The following GPR158 variants were observed in gnomAD, a reference collection of about 807,000 sequenced individuals.
GPR158 encodes metabotropic glycine receptor.
In GPR158, 30 loss-of-function variants were observed where a neutral mutation model predicts 78.2. That is an observed-to-expected ratio of 0.38 (90% confidence interval 0.29 to 0.52). The LOEUF (loss-of-function observed/expected upper bound fraction) is 0.52, where lower values mean the gene tolerates loss of function less well. Among genes scored for constraint, GPR158 ranks in the 20% least tolerant of loss-of-function variants. GPR158 has a pLI of 0.83. For missense variants in GPR158, 1,463 were observed against 1,523.5 expected (o/e 0.96, Z 0.66); for synonymous variants, 581 against 591.1 (o/e 0.98, Z 0.25).
Position 25,214,031 on chromosome 10 carries a change from A to G in GPR158, c.903-7021A>G, listed in dbSNP as rs537991555. Among the ~76,000 whole-genome samples, 7 of 152,090 alleles carry G rather than the reference A, an allele frequency of 4.6e-5. No homozygotes were observed. The East Asian group carries it at 1.2e-3, about 25-fold the overall frequency. On this transcript the variant is annotated intron_variant, in intron 1 of 10. Transcript: ENST00000376351. ...TTCTTTTGAGATGGAGTCTCGCTCT[A>G]TCGCCCAGGCTGGAGTGCAGTGGTG... is the stretch of plus-strand genomic sequence containing the variant.
intron 2 of GPR158, among the ~76,000 whole-genome samples, chr10:25,371,426 G>A (rs1312103534): frequency 6.6e-6 from 1 of 151,620 alleles, no homozygotes; most frequent in Non-Finnish European, 1.5e-5. Flanking sequence ...GAACAAAGCT[G>A]GAGGCATCAT....
At chr10:25,488,351 A>G (rs1249752868) in intron 5 of GPR158, among the ~76,000 whole-genome samples, 1 of 152,216 alleles carries the variant, frequency 6.6e-6, no homozygotes, top group Non-Finnish European at 1.5e-5. Flanking sequence ...CCTGTGCCCA[A>G]CTGAAAAACT....
At chr10:25,260,320 C>T (rs1341167598) in intron 2 of GPR158, among the ~76,000 whole-genome samples, 1 of 152,036 alleles carries the variant, frequency 6.6e-6, no homozygotes, top group Non-Finnish European at 1.5e-5. Context: ...TATTATGAGG[C>T]CATGTTTCTT....
Position 25,597,898 on chromosome 10 carries a change from A to G in GPR158, c.2272A>G (p.Ile758Val). ...KGLGRSIMRRITEIPETVSRQ... is the reference protein window; with the variant it reads ...KGLGRSIMRRVTEIPETVSRQ... ...CCTAGGTCGTTCCATCATGAGACGC[A>G]TTACGGAGATCCCAGAGACAGTCAG... Residue 758 changes from isoleucine to valine, a missense_variant, in exon 11 of 11, where the codon ATT (isoleucine) becomes GTT (valine). Transcript: ENST00000376351. 2 of 1,610,210 alleles carry G rather than the reference A, an allele frequency of 1.2e-6. No individual in the cohort carries two copies. The highest frequency in any genetic ancestry group is 1.7e-6 in the Non-Finnish European group (2 of 1,178,328).
chr10:25,303,610 G>A (rs1011043753), intron 2 of GPR158, among the ~76,000 whole-genome samples: 1 of 152,196 alleles, frequency 6.6e-6, no homozygotes, highest in East Asian at 1.9e-4. Flanking sequence ...TATGAACATT[G>A]TCTTTCTTGG....
At chr10:25,332,116 G>T (rs518751) in intron 2 of GPR158, among the ~76,000 whole-genome samples, 2 of 146,582 alleles carry the variant, frequency 1.4e-5, no homozygotes, top group African/African-American at 5.5e-5. Context: ...AAATCACCTG[G>T]GGGGGGGCGA....
chr10:25,594,239 T>G, intron 8 of GPR158, 53 bp from the exon 9 acceptor site: 1 of 908,148 alleles, frequency 1.1e-6, no homozygotes, highest in South Asian at 1.3e-5. Flanking sequence ...AATCCTAGTG[T>G]TCTAAGTAGA....
At chr10:25,335,721 A>G (rs1412099534) in intron 2 of GPR158, among the ~76,000 whole-genome samples, 1 of 152,044 alleles carries the variant, frequency 6.6e-6, no homozygotes, top group East Asian at 1.9e-4. Context: ...CAAATAAAGT[A>G]CCTTAGTTGT....
intron 5 of GPR158, among the ~76,000 whole-genome samples, chr10:25,534,309 T>A (rs1836462421): frequency 6.6e-6 from 1 of 152,148 alleles, no homozygotes; most frequent in Non-Finnish European, 1.5e-5. Context: ...TCATTCTTCC[T>A]TAGTTACAAT....
intron 2 of GPR158, among the ~76,000 whole-genome samples, chr10:25,275,582 G>T (rs1424581987): frequency 2.6e-5 from 4 of 152,102 alleles, no homozygotes; most frequent in South Asian, 4.1e-4. Flanking sequence ...TGAGAAGTGG[G>T]TGCTTGATAT....
intron 5 of GPR158, among the ~76,000 whole-genome samples, chr10:25,467,748 G>A (rs1336703523): frequency 6.6e-6 from 1 of 152,074 alleles, no homozygotes; most frequent in African/African-American, 2.4e-5. Flanking sequence ...AGTACACTTG[G>A]AAAGATGGGG....
At chr10:25,522,733 T>A (rs1339896182) in intron 5 of GPR158, among the ~76,000 whole-genome samples, 1 of 152,212 alleles carries the variant, frequency 6.6e-6, no homozygotes, top group Non-Finnish European at 1.5e-5. Context: ...ATGTACTGGA[T>A]GGCTTTATGT....
chr10:25,267,625 A>G (rs953264110), intron 2 of GPR158, among the ~76,000 whole-genome samples: 2 of 152,094 alleles, frequency 1.3e-5, no homozygotes, highest in African/African-American at 2.4e-5. Flanking sequence ...AATCTTATGT[A>G]AAAAAAGAAG....
chr10:25,258,776 G>A (rs559871311), intron 2 of GPR158, among the ~76,000 whole-genome samples: 3 of 152,028 alleles, frequency 2.0e-5, no homozygotes, highest in Admixed American at 6.6e-5. Flanking sequence ...GGCACCAACC[G>A]CCTGTACAGT....
chr10:25,375,773 G>A (rs997117221), intron 2 of GPR158, among the ~76,000 whole-genome samples: 10 of 151,468 alleles, frequency 6.6e-5, no homozygotes, highest in African/African-American at 2.4e-4. Context: ...TAATATCGTA[G>A]TGTCTTAATT....
chr10:25,270,363 A>G (rs1055982688), intron 2 of GPR158, among the ~76,000 whole-genome samples: 3 of 152,156 alleles, frequency 2.0e-5, no homozygotes, highest in Non-Finnish European at 4.4e-5. Flanking sequence ...GGAACTGAAT[A>G]TGGAAGTAGA....
intron 2 of GPR158, among the ~76,000 whole-genome samples, chr10:25,240,794 C>CAGTA (rs1853593581): frequency 1.3e-5 from 2 of 152,146 alleles, no homozygotes; most frequent in Admixed American, 6.5e-5. Flanking sequence ...AAATATCTAT[C>CAGTA]AATTGGGAGT....
chr10:25,409,596 C>A (rs1037864952), intron 3 of GPR158, among the ~76,000 whole-genome samples: 1 of 152,126 alleles, frequency 6.6e-6, no homozygotes, highest in Non-Finnish European at 1.5e-5. Flanking sequence ...TTTAAAAAAT[C>A]TTTGATTTAC....
At chr10:25,588,190 C>T (rs996755875) in intron 7 of GPR158, among the ~76,000 whole-genome samples, 11 of 152,184 alleles carry the variant, frequency 7.2e-5, no homozygotes, top group Non-Finnish European at 1.5e-4. Flanking sequence ...TTAATTAGCA[C>T]ATAATCACAT....
Sources: gnomAD v4.1 joint callset for allele counts (sites outside exome capture counted in the v4.1 genomes callset) on GRCh38, gnomAD v4.1.1 for gene constraint, MANE v1.5 for transcripts, NCBI Gene and HGNC (gene_info 2026-07-23, HGNC 2026-07-21) for gene names.